GLIS1: variants seen among roughly 807,000 people sequenced by gnomAD.
The protein encoded by GLIS1 is zinc finger protein GLIS1.
In GLIS1, 24 loss-of-function variants were observed where a neutral mutation model predicts 63.8. The ratio of observed to expected loss-of-function variants is 0.38; its 90% CI spans 0.27 to 0.53. The LOEUF (loss-of-function observed/expected upper bound fraction) is 0.53, where lower values mean the gene tolerates loss of function less well. Ranked by LOEUF, GLIS1 falls within the 20% of genes least tolerant of loss-of-function variation. GLIS1 has a pLI of 0.85. For missense variants in GLIS1, 1,036 were observed against 1,074.1 expected, an observed-to-expected ratio of 0.96 and a Z score of 0.50; for synonymous variants, 450 against 482.5, an observed-to-expected ratio of 0.93 and a Z score of 0.88.
chr1:53,653,305 T>C (rs1645928493), intron 2 of GLIS1, among the ~76,000 whole-genome samples: 1 of 152,220 alleles, frequency 6.6e-6, no homozygotes, highest in South Asian at 2.1e-4. Context: ...TCTCAAGGTT[T>C]TGGTTCCTCC....
intron 2 of GLIS1, among the ~76,000 whole-genome samples, chr1:53,695,851 G>A (rs181177019): frequency 6.6e-6 from 1 of 152,366 alleles, no homozygotes; most frequent in East Asian, 1.9e-4. Flanking sequence ...CTCTTCATCT[G>A]TTAAGATGGA....
At chr1:53,668,960 A>G (rs1381779934) in intron 2 of GLIS1, among the ~76,000 whole-genome samples, 1 of 152,162 alleles carries the variant, frequency 6.6e-6, no homozygotes, top group Non-Finnish European at 1.5e-5. Context: ...GGAACACTAC[A>G]TTTTATTTTA....
At chr1:53,569,068 A>T in intron 4 of GLIS1, among the ~76,000 whole-genome samples, 1 of 152,220 alleles carries the variant, frequency 6.6e-6, no homozygotes, top group Non-Finnish European at 1.5e-5. Context: ...AAGGCTACAT[A>T]CTGTATGATT....
intron 2 of GLIS1, among the ~76,000 whole-genome samples, chr1:53,676,278 A>G (rs1355538918): frequency 6.6e-6 from 1 of 152,226 alleles, no homozygotes; most frequent in Non-Finnish European, 1.5e-5. Context: ...AGGGAAGACC[A>G]GGCAGGAATC....
In GLIS1 at chr1:53,646,648, A is replaced by G. The variant is rs1169363113; in HGVS notation, c.260-46370T>C. 6.6e-6 allele frequency among the ~76,000 whole-genome samples: 1 copy of G among 152,088 alleles called. No homozygotes were observed. Among genetic ancestry groups the G allele is most frequent in the East Asian group, 1.9e-4 (1 of 5,198 alleles). On this transcript the variant is annotated intron_variant, in intron 2 of 10. Coordinates refer to ENST00000628545, the MANE Select transcript of GLIS1 (RefSeq NM_001367484.1). This position sits in a 1 kb window ranked among gnomAD's most constrained non-coding sequence, Gnocchi z 4.2. Reference sequence around the variant, plus strand: ...AACATGGTAAAACCCCGTCTTGACTAAAAATACAAAACTTAGCCAGGTGTG... The same window carrying G: ...AACATGGTAAAACCCCGTCTTGACTGAAAATACAAAACTTAGCCAGGTGTG...
intron 4 of GLIS1, among the ~76,000 whole-genome samples, chr1:53,590,874 G>A (rs537328936): frequency 1.3e-5 from 2 of 152,296 alleles, no homozygotes; most frequent in East Asian, 3.9e-4. Flanking sequence ...AAGATGCTCA[G>A]GCAGAGGGGA....
At chr1:53,551,165 C>A (rs1644755560) in intron 4 of GLIS1, among the ~76,000 whole-genome samples, 1 of 152,106 alleles carries the variant, frequency 6.6e-6, no homozygotes, top group African/African-American at 2.4e-5. Flanking sequence ...TTTAAAGGAT[C>A]CCCCGTGTTG....
chr1:53,668,050 T>A (rs67319173), intron 2 of GLIS1, among the ~76,000 whole-genome samples: 31,990 of 152,124 alleles, frequency 0.21, 3,426 homozygotes, highest in East Asian at 0.36. Context: ...TCAACAAACC[T>A]GCCTGCCCAC....
chr1:53,709,052 T>C (rs1024117918), intron 2 of GLIS1, among the ~76,000 whole-genome samples: 2 of 152,064 alleles, frequency 1.3e-5, no homozygotes, highest in Non-Finnish European at 2.9e-5. Context: ...AGATTATCTA[T>C]CTTGTTCACC....
intron 2 of GLIS1, among the ~76,000 whole-genome samples, chr1:53,606,924 G>A (rs908025054): frequency 6.6e-6 from 1 of 152,204 alleles, no homozygotes; most frequent in East Asian, 1.9e-4. Flanking sequence ...ACCTCAGGAC[G>A]GCGCCGCGGA....
At chr1:53,650,515 G>A (rs1356380208) in intron 2 of GLIS1, among the ~76,000 whole-genome samples, 1 of 151,260 alleles carries the variant, frequency 6.6e-6, no homozygotes, top group Non-Finnish European at 1.5e-5. Context: ...GCTTGAACCT[G>A]GGAGGATGAG....
intron 2 of GLIS1, among the ~76,000 whole-genome samples, chr1:53,681,426 G>A (rs1169961103): frequency 1.3e-5 from 2 of 152,254 alleles, no homozygotes; most frequent in African/African-American, 4.8e-5. Flanking sequence ...ACAATGCCAA[G>A]TAGGGAGGGA....
At chr1:53,516,613 G>C (rs554115500) in intron 7 of GLIS1, among the ~76,000 whole-genome samples, 2 of 152,006 alleles carry the variant, frequency 1.3e-5, no homozygotes, top group Admixed American at 6.5e-5. Flanking sequence ...ATGAATTCGA[G>C]ACCAGCCTGG....
chr1:53,514,693 C>T lies in GLIS1; in HGVS notation c.1815G>A (p.Pro605=), dbSNP rs1425582774. Residue 605 remains proline (P), a synonymous_variant, in exon 8 of 11, where the codon CCG becomes CCA. Coordinates refer to ENST00000628545, the MANE Select transcript of GLIS1 (RefSeq NM_001367484.1). ...PAHDVPSRHH[P]LDATTSSHHH... is the part of the protein sequence containing the mutation. Reference sequence around the variant, plus strand: ...GGTGGGAACTGGTGGTGGCATCCAGCGGGTGGTGCCTGGAAGGTACGTCGT... The same window carrying T: ...GGTGGGAACTGGTGGTGGCATCCAGTGGGTGGTGCCTGGAAGGTACGTCGT... 6 of 1,613,574 alleles carry T rather than the reference C, an allele frequency of 3.7e-6. No homozygotes were observed. The highest frequency in any genetic ancestry group is 1.7e-5 in the Admixed American group (1 of 59,960).
In GLIS1 at chr1:53,558,390, C is replaced by T. The variant is rs1398451289; in HGVS notation, c.1321-28438G>A. The stretch of plus-strand genomic sequence containing the variant: ...TTCATGGATCTCTAAGATAAGGCCC[C>T]GGTTCCTCTGTGTGCATTCAAACCT... On this transcript the variant is annotated intron_variant, in intron 4 of 10. Transcript: ENST00000628545. Among the ~76,000 whole-genome samples the T allele has an allele frequency of 3.3e-5, 5 of 152,196 alleles. 1 individual carries two copies. In the South Asian group the frequency reaches 6.2e-4, roughly 19 times the overall value.
At chr1:53,722,469 G>C (rs76502999) in intron 2 of GLIS1, among the ~76,000 whole-genome samples, 1 of 152,142 alleles carries the variant, frequency 6.6e-6, no homozygotes, top group African/African-American at 2.4e-5. Flanking sequence ...CGCTCTCTAA[G>C]GACCCTTTTT....
chr1:53,589,656 G>A (rs1280815471), intron 4 of GLIS1, among the ~76,000 whole-genome samples: 6 of 152,208 alleles, frequency 3.9e-5, no homozygotes, highest in Admixed American at 6.5e-5. Context: ...GGAGAGGGGC[G>A]TAAGGAATGG....
chr1:53,555,450 A>C (rs1323954909), intron 4 of GLIS1, among the ~76,000 whole-genome samples: 1 of 152,166 alleles, frequency 6.6e-6, no homozygotes, highest in Non-Finnish European at 1.5e-5. Context: ...GAATCACCTG[A>C]ACCCGGGAGG....
At chr1:53,687,717 C>T (rs553004876) in intron 2 of GLIS1, among the ~76,000 whole-genome samples, 6 of 152,328 alleles carry the variant, frequency 3.9e-5, no homozygotes, top group African/African-American at 1.4e-4. Context: ...ACCTCCTTCA[C>T]GAAGGGACGG....
Sources: gnomAD v4.1 joint callset for allele counts (sites outside exome capture counted in the v4.1 genomes callset) on GRCh38, gnomAD v4.1.1 for gene constraint, Gnocchi (gnomAD v3.1) non-coding constraint, MANE v1.5 for transcripts, NCBI Gene and HGNC (gene_info 2026-07-23, HGNC 2026-07-21) for gene names.